Variants in CAMTA1 observed in about 807,000 individuals in gnomAD.
The protein encoded by CAMTA1 is calmodulin binding transcription activator 1.
Under a neutral mutation model 170.9 loss-of-function variants are expected in CAMTA1, and 27 were observed. The observed-to-expected ratio is 0.16, with a 90% CI of 0.12 to 0.22. The LOEUF (loss-of-function observed/expected upper bound fraction) is 0.22, where lower values mean the gene tolerates loss of function less well. Among genes scored for constraint, CAMTA1 ranks in the 10% least tolerant of loss-of-function variants. CAMTA1 has a pLI of 1.00. For synonymous variants in CAMTA1, 833 were observed against 891.5 expected, an observed-to-expected ratio of 0.93 and a Z score of 1.17; for missense variants, 1,619 against 2,217.2, an observed-to-expected ratio of 0.73 and a Z score of 5.42.
chr1:6,967,639 C>G (rs900357229), intron 3 of CAMTA1, among the ~76,000 whole-genome samples: 1 of 152,202 alleles, frequency 6.6e-6, no homozygotes, highest in African/African-American at 2.4e-5. Context: ...CGCTCCTCTC[C>G]ATGAGCTCTG....
rs999176268 is a variant in CAMTA1, at chr1:7,748,363, G to C, written c.4689+582G>C. 5.9e-5 allele frequency among the ~76,000 whole-genome samples: 9 copies of C among 152,262 alleles called. No homozygotes were observed. In the East Asian group the frequency reaches 1.7e-3, roughly 29 times the overall value. Reference sequence around the variant, plus strand: ...GAGGATCTTCTTGAACCCAGGTGTTGATGTCCAGCTTGGACCTCGTCTCAA... The same window carrying C: ...GAGGATCTTCTTGAACCCAGGTGTTCATGTCCAGCTTGGACCTCGTCTCAA... On this transcript the variant is annotated intron_variant, in intron 19 of 22. Coordinates refer to ENST00000303635, the MANE Select transcript of CAMTA1 (RefSeq NM_015215.4). This position sits in a 1 kb window ranked among gnomAD's most constrained non-coding sequence, Gnocchi z 4.7.
intron 6 of CAMTA1, among the ~76,000 whole-genome samples, chr1:7,578,359 G>A (rs939996957): frequency 9.2e-5 from 14 of 152,162 alleles, no homozygotes; most frequent in Admixed American, 6.5e-5. Context: ...AGGGAGCCGG[G>A]AGCACCAAGG....
At chr1:7,373,349 C>T (rs1377703173) in intron 5 of CAMTA1, among the ~76,000 whole-genome samples, 2 of 152,228 alleles carry the variant, frequency 1.3e-5, no homozygotes, top group Non-Finnish European at 2.9e-5. Flanking sequence ...GGATTTGATT[C>T]GCTGTGGATT....
chr1:6,791,782 C>A (rs1641172173), intron 1 of CAMTA1, among the ~76,000 whole-genome samples: 1 of 152,018 alleles, frequency 6.6e-6, no homozygotes, highest in African/African-American at 2.4e-5. Flanking sequence ...TCTTGAATAC[C>A]TAATCAGGTT....
intron 3 of CAMTA1, among the ~76,000 whole-genome samples, chr1:6,841,080 TC>T (rs1655481313): frequency 6.6e-6 from 1 of 152,162 alleles, no homozygotes; most frequent in African/African-American, 2.4e-5. Flanking sequence ...TGCTTAATGT[TC>T]CTTGGCTTGT....
At chr1:7,339,985 G>C (rs887928594) in intron 5 of CAMTA1, among the ~76,000 whole-genome samples, 3 of 152,066 alleles carry the variant, frequency 2.0e-5, no homozygotes, top group African/African-American at 7.2e-5. Context: ...CCTGACCCAG[G>C]GTCCCATAGC....
intron 3 of CAMTA1, among the ~76,000 whole-genome samples, chr1:6,882,310 A>G (rs1354493372): frequency 6.6e-6 from 1 of 152,188 alleles, no homozygotes; most frequent in East Asian, 1.9e-4. Context: ...AGGCTGAAAG[A>G]TCTATACTGT....
intron 6 of CAMTA1, 44 bp downstream of exon 6, chr1:7,467,945 G>A (rs2149542646): frequency 6.5e-7 from 1 of 1,543,368 alleles, no homozygotes; most frequent in Non-Finnish European, 9.0e-7. Flanking sequence ...CTGGTGCTCG[G>A]GAAGGGTCTG....
At chr1:7,594,023 C>T (rs1350823924) in intron 6 of CAMTA1, among the ~76,000 whole-genome samples, 1 of 130,112 alleles carries the variant, frequency 7.7e-6, no homozygotes, top group Non-Finnish European at 1.6e-5. Flanking sequence ...GCCTGGGCAA[C>T]AGAGTGAGAT....
chr1:7,141,605 G>A (rs1036241531), intron 4 of CAMTA1, among the ~76,000 whole-genome samples: 2 of 152,184 alleles, frequency 1.3e-5, no homozygotes, highest in Non-Finnish European at 1.5e-5. Flanking sequence ...ATGAGCAGTC[G>A]TCAGCATCAG....
In CAMTA1 at chr1:7,373,423, T is replaced by C. The variant is rs75362412; in HGVS notation, c.439-94407T>C. Among the ~76,000 whole-genome samples the C allele has an allele frequency of 9.2e-3, 1,407 of 152,320 alleles. 24 individuals carry two copies. Among genetic ancestry groups the C allele is most frequent in the African/African-American group, 0.028 (1,180 of 41,568 alleles). ...GACTGAATGAAGTGAGACGTGGGCC[T>C]AGGCACTGTGCGCAGATGGGTGGGA... On this transcript the variant is annotated intron_variant, in intron 5 of 22. Transcript: ENST00000303635.
chr1:7,670,814 AC>A lies in CAMTA1; in HGVS notation c.2653-92del, dbSNP rs1198964642. 3 of 1,402,462 alleles carry A rather than the reference AC, an allele frequency of 2.1e-6. No individual in the cohort carries two copies. The Admixed American group carries it at 5.4e-5, about 25-fold the overall frequency. 86.9% of individuals were successfully genotyped at this position (1,402,462 alleles called of 1,614,324 possible). A position where few individuals can be genotyped will look rare whatever the true frequency, so the allele number is the denominator to read the frequency against. On this transcript the variant is annotated intron_variant, in intron 9 of 22. Transcript: ENST00000303635. ...AATCTGCATGGGGCGAGGGGTACAG[AC>A]CCCCATCTGAGCAGTGAAGCCTCAG...
At chr1:6,955,305 C>CCCCT (rs1689262771) in intron 3 of CAMTA1, among the ~76,000 whole-genome samples, 1 of 152,152 alleles carries the variant, frequency 6.6e-6, no homozygotes, top group African/African-American at 2.4e-5. Context: ...TCTCCCCTCA[C>CCCCT]CCCTCCACTC....
chr1:7,277,456 G>GGTGTGTGTGT lies in CAMTA1; in HGVS notation c.438+27857_438+27866dup, dbSNP rs57970990. ...AACTAAATTAATCTTTCCAAGCAAT[G>GGTGTGTGTGT]GTGTGTGTGTGTGTGTGTGTGTGTG... On this transcript the variant is annotated intron_variant, in intron 5 of 22. Transcript: ENST00000303635. Among the ~76,000 whole-genome samples, 961 of 135,324 alleles carry GGTGTGTGTGT rather than the reference G, an allele frequency of 7.1e-3. 8 individuals carry two copies. Among genetic ancestry groups the GGTGTGTGTGT allele is most frequent in the African/African-American group, 0.018 (613 of 35,012 alleles). 88.8% of individuals were successfully genotyped at this position (135,324 alleles called of 152,430 possible).
intron 3 of CAMTA1, among the ~76,000 whole-genome samples, chr1:7,030,170 T>C (rs1572553254): frequency 6.6e-6 from 1 of 152,250 alleles, no homozygotes; most frequent in East Asian, 1.9e-4. Context: ...GAATCTGATA[T>C]ATGCTGTCCG....
chr1:7,330,558 T>C (rs1191616837), intron 5 of CAMTA1, among the ~76,000 whole-genome samples: 2 of 152,084 alleles, frequency 1.3e-5, no homozygotes, highest in Non-Finnish European at 2.9e-5. Context: ...CCCAACAGGA[T>C]TGGGGCATTT....
intron 6 of CAMTA1, among the ~76,000 whole-genome samples, chr1:7,545,729 A>C (rs554766267): frequency 1.3e-5 from 2 of 151,896 alleles, no homozygotes; most frequent in Non-Finnish European, 2.9e-5. Context: ...CTGGATGTGC[A>C]GGTTTGTTAC....
rs949344642 is a variant in CAMTA1, at chr1:7,044,779, G to T, written c.235-46525G>T. ...CAGTCCTCCTGCCCCCCTGCCTGGCGCATCTTTCCCCCTCACGTCCTCTCC... is the reference window on the plus strand; with the variant it reads ...CAGTCCTCCTGCCCCCCTGCCTGGCTCATCTTTCCCCCTCACGTCCTCTCC... On this transcript the variant is annotated intron_variant, in intron 3 of 22. Coordinates refer to ENST00000303635, the MANE Select transcript of CAMTA1 (RefSeq NM_015215.4). This position sits in a 1 kb window ranked among gnomAD's most constrained non-coding sequence, Gnocchi z 5.0. 6.6e-6 allele frequency among the ~76,000 whole-genome samples: 1 copy of T among 150,436 alleles called. No homozygotes were observed. Among genetic ancestry groups the T allele is most frequent in the Non-Finnish European group, 1.5e-5 (1 of 67,584 alleles).
intron 4 of CAMTA1, among the ~76,000 whole-genome samples, chr1:7,192,916 G>A (rs1040727970): frequency 6.6e-6 from 1 of 152,152 alleles, no homozygotes; most frequent in African/African-American, 2.4e-5. Flanking sequence ...TGCTGTGAAG[G>A]TCTCTGCAGA....
Sources: allele counts gnomAD v4.1 joint callset (sites outside exome capture counted in the v4.1 genomes callset), GRCh38; gene constraint gnomAD v4.1.1; non-coding constraint Gnocchi (gnomAD v3.1); transcripts MANE v1.5; gene names NCBI Gene and HGNC (gene_info 2026-07-23, HGNC 2026-07-21).